CRACD: variants seen among roughly 807,000 people sequenced by gnomAD.
CRACD encodes the protein capping protein-inhibiting regulator of actin dynamics.
A neutral mutation model predicts 106.8 loss-of-function variants in CRACD; 56 were observed. That is an observed-to-expected ratio of 0.52 (90% confidence interval 0.42 to 0.66). The LOEUF is 0.66. CRACD is among the 30% of genes least tolerant of loss of function. CRACD has a pLI of 0.00. For synonymous variants in CRACD, 754 were observed against 670.8 expected (o/e 1.12, Z -1.92); for missense variants, 1,730 against 1,623.2 (o/e 1.07, Z -1.13).
chr4:56,073,855 T>C (rs1732748043), intron 1 of CRACD, among the ~76,000 whole-genome samples: 2 of 152,232 alleles, frequency 1.3e-5, no homozygotes, highest in Admixed American at 1.3e-4. Flanking sequence ...TTTAAATCTT[T>C]AATCCATCTT....
intron 2 of CRACD, among the ~76,000 whole-genome samples, chr4:56,260,478 G>T (rs971514069): frequency 6.6e-6 from 1 of 152,164 alleles, no homozygotes; most frequent in Non-Finnish European, 1.5e-5. Flanking sequence ...GTTGACAAAG[G>T]GTGGAGTGTG....
chr4:56,198,859 C>T (rs1326832969), intron 2 of CRACD, among the ~76,000 whole-genome samples: 1 of 152,078 alleles, frequency 6.6e-6, no homozygotes, highest in Non-Finnish European at 1.5e-5. Flanking sequence ...GACTAGTTTT[C>T]GTTTTGGTGA....
intron 3 of CRACD, chr4:56,288,447 T>C (rs492339): frequency 0.88 from 138,015 of 157,436 alleles, 61,079 homozygotes; most frequent in Non-Finnish European, 0.94. Flanking sequence ...CAAGACTTGG[T>C]TCCCACTTAT....
intron 3 of CRACD, among the ~76,000 whole-genome samples, chr4:56,284,055 G>A (rs949231397): frequency 3.3e-5 from 5 of 152,034 alleles, no homozygotes; most frequent in African/African-American, 9.7e-5. Context: ...CATATTCTGC[G>A]TTTTCCCATA....
intron 1 of CRACD, among the ~76,000 whole-genome samples, chr4:56,144,123 A>G (rs1410601987): frequency 6.6e-6 from 1 of 152,166 alleles, no homozygotes; most frequent in Non-Finnish European, 1.5e-5. Context: ...ACTTGTGAGA[A>G]GACCTACAGG....
At chr4:56,213,254 C>T (rs1305585535) in intron 2 of CRACD, among the ~76,000 whole-genome samples, 1 of 152,120 alleles carries the variant, frequency 6.6e-6, no homozygotes, top group Admixed American at 6.5e-5. Flanking sequence ...CAAGACCAGC[C>T]TCACCAACAT....
chr4:56,238,381 T>C (rs1057296861), intron 2 of CRACD, among the ~76,000 whole-genome samples: 2 of 152,252 alleles, frequency 1.3e-5, no homozygotes, highest in African/African-American at 2.4e-5. Context: ...ACTTCTTACA[T>C]GGCCACTTAG....
intron 3 of CRACD, among the ~76,000 whole-genome samples, chr4:56,278,086 T>A (rs644762): frequency 3.3e-5 from 5 of 151,744 alleles, no homozygotes; most frequent in Admixed American, 6.6e-5. Flanking sequence ...ACTCCCCAGA[T>A]TGAGCTACAG....
chr4:56,072,921 C>A (rs2109799415), intron 1 of CRACD, among the ~76,000 whole-genome samples: 2 of 152,268 alleles, frequency 1.3e-5, no homozygotes, highest in East Asian at 3.9e-4. Flanking sequence ...CATGTCCCTG[C>A]AAAGGACATG....
At chr4:56,198,658 AAG>A (rs1415389775) in intron 2 of CRACD, among the ~76,000 whole-genome samples, 1 of 152,146 alleles carries the variant, frequency 6.6e-6, no homozygotes, top group African/African-American at 2.4e-5. Flanking sequence ...CATTTTTCTT[AAG>A]AGTCAGGGCC....
intron 1 of CRACD, among the ~76,000 whole-genome samples, chr4:56,079,547 A>C (rs796457805): frequency 6.6e-6 from 1 of 151,518 alleles, no homozygotes; most frequent in Non-Finnish European, 1.5e-5. Context: ...CTGCGTTCAA[A>C]TCGTTCTCGT....
At chr4:56,229,255 G>C (rs1739479863) in intron 2 of CRACD, among the ~76,000 whole-genome samples, 1 of 152,158 alleles carries the variant, frequency 6.6e-6, no homozygotes, top group African/African-American at 2.4e-5. Context: ...GGGCCTTTCG[G>C]AGGTGGCTCT....
At chr4:56,145,336 G>A (rs1455220348) in intron 1 of CRACD, among the ~76,000 whole-genome samples, 2 of 152,168 alleles carry the variant, frequency 1.3e-5, no homozygotes, top group Non-Finnish European at 2.9e-5. Context: ...ATAAGTTTGT[G>A]AGACTGAATC....
intron 3 of CRACD, among the ~76,000 whole-genome samples, chr4:56,276,612 C>G (rs1245605792): frequency 6.6e-6 from 1 of 152,128 alleles, no homozygotes; most frequent in Non-Finnish European, 1.5e-5. Context: ...GGTAATTTGC[C>G]TAAGGTCATA....
intron 1 of CRACD, among the ~76,000 whole-genome samples, chr4:56,158,139 C>T (rs540517036): frequency 2.0e-5 from 3 of 152,316 alleles, no homozygotes; most frequent in African/African-American, 7.2e-5. Context: ...ATACTGAGGC[C>T]TCCAGATTTG....
intron 1 of CRACD, among the ~76,000 whole-genome samples, chr4:56,081,692 T>A (rs1346723551): frequency 6.6e-6 from 1 of 152,096 alleles, no homozygotes; most frequent in Non-Finnish European, 1.5e-5. Context: ...ATAGGCCAGG[T>A]TGGCTGGGCA....
At chr4:56,284,812 T>G (rs1455699553) in intron 3 of CRACD, among the ~76,000 whole-genome samples, 2 of 152,144 alleles carry the variant, frequency 1.3e-5, no homozygotes, top group African/African-American at 2.4e-5. Context: ...ATTAAAGGCT[T>G]GATTACAGTA....
intron 2 of CRACD, among the ~76,000 whole-genome samples, chr4:56,199,687 A>G (rs1737790586): frequency 2.0e-5 from 3 of 147,448 alleles, no homozygotes; most frequent in African/African-American, 7.7e-5. Context: ...GTCTCAAAAA[A>G]AAAAAAGAAA....
At position 56,315,058 on chromosome 4, in the gene CRACD, T is replaced by C. The variant is rs1251904102; in HGVS notation, c.1556T>C (p.Val519Ala). 2 of 1,608,242 alleles carry C rather than the reference T, an allele frequency of 1.2e-6. No individual in the cohort carries two copies. Among genetic ancestry groups the C allele is most frequent in the Non-Finnish European group, 1.7e-6 (2 of 1,178,318 alleles). ...EAAALEQGRK[V>A]EELRWQEVDE... Reference sequence around the variant, plus strand: ...GCCGCCCTTGAACAAGGCCGCAAGGTGGAGGAGCTGCGGTGGCAGGAGGTG... The same window carrying C: ...GCCGCCCTTGAACAAGGCCGCAAGGCGGAGGAGCTGCGGTGGCAGGAGGTG... The change falls in exon 8 of 11, where the codon GTG (valine) becomes GCG (alanine). Residue 519 changes from valine (V) to alanine (A), a missense_variant. Transcript: ENST00000682029. This position sits in a 1 kb window ranked among gnomAD's most constrained non-coding sequence, Gnocchi z 4.1.
Sources: allele counts gnomAD v4.1 joint callset (sites outside exome capture counted in the v4.1 genomes callset), GRCh38; gene constraint gnomAD v4.1.1; non-coding constraint Gnocchi (gnomAD v3.1); transcripts MANE v1.5; gene names NCBI Gene and HGNC (gene_info 2026-07-23, HGNC 2026-07-21).